Variants in PCDHA9 observed in about 807,000 individuals in gnomAD.
The protein encoded by PCDHA9 is protocadherin alpha-9.
In PCDHA9, 62 loss-of-function variants were observed where a neutral mutation model predicts 62.0. The ratio of observed to expected loss-of-function variants is 1.00; its 90% CI spans 0.81 to 1.23. PCDHA9 has a LOEUF of 1.23. PCDHA9 is among the 50% of genes most tolerant of loss of function. The pLI, the probability that PCDHA9 is intolerant of heterozygous loss-of-function variation, is 0.00. For synonymous variants in PCDHA9, 557 were observed against 567.6 expected, an observed-to-expected ratio of 0.98 and a Z score of 0.27; for missense variants, 1,205 against 1,249.8, an observed-to-expected ratio of 0.96 and a Z score of 0.54.
At chr5:140,968,162 C>A in intron 1 of PCDHA9, 1 of 1,614,122 alleles carries the variant, frequency 6.2e-7, no homozygotes, top group East Asian at 2.2e-5. Flanking sequence ...CAATGACAAT[C>A]CACCAAGCTT....
intron 1 of PCDHA9, among the ~76,000 whole-genome samples, chr5:140,874,132 A>C (rs181983769): frequency 1.3e-5 from 2 of 152,240 alleles, no homozygotes; most frequent in East Asian, 3.8e-4. Flanking sequence ...TATTTAAGTT[A>C]TCTTATACTT....
chr5:140,923,313 C>T (rs1428494241), intron 1 of PCDHA9, among the ~76,000 whole-genome samples: 1 of 152,074 alleles, frequency 6.6e-6, no homozygotes, highest in African/African-American at 2.4e-5. Flanking sequence ...GGGCGCTTGG[C>T]CTAGAAGTTC....
chr5:140,853,422 G>A, intron 1 of PCDHA9: 8 of 986,108 alleles, frequency 8.1e-6, no homozygotes, highest in Non-Finnish European at 9.8e-6. Flanking sequence ...GAAAGCAGAA[G>A]AGACACTTTC....
chr5:140,873,557 T>C (rs1347474996), intron 1 of PCDHA9, among the ~76,000 whole-genome samples: 1 of 150,760 alleles, frequency 6.6e-6, no homozygotes, highest in Non-Finnish European at 1.5e-5. Context: ...TTTCAATTTA[T>C]TTTCTAGTTT....
intron 1 of PCDHA9, among the ~76,000 whole-genome samples, chr5:140,926,209 T>C (rs553307318): frequency 1.8e-3 from 269 of 152,150 alleles, no homozygotes; most frequent in African/African-American, 6.3e-3. Flanking sequence ...GGGGGGCTCC[T>C]GTTTCCTTAA....
intron 1 of PCDHA9, chr5:140,864,391 A>G (rs1554158881): frequency 6.6e-6 from 1 of 152,234 alleles, no homozygotes; most frequent in African/African-American, 2.4e-5. Context: ...TCTCTCACAA[A>G]TGGTGATGAG....
intron 1 of PCDHA9, chr5:140,858,360 G>T: frequency 6.3e-7 from 1 of 1,592,532 alleles, no homozygotes; most frequent in Non-Finnish European, 8.6e-7. Context: ...ATGGCCTTCA[G>T]CCCCAGCCTT....
chr5:140,889,700 T>C (rs1554184005), intron 1 of PCDHA9, among the ~76,000 whole-genome samples: 1 of 152,200 alleles, frequency 6.6e-6, no homozygotes, highest in African/African-American at 2.4e-5. Context: ...TATGGGCATA[T>C]TCCACAAGTT....
In PCDHA9 at chr5:140,857,157, T is replaced by C. The variant is rs1371246447; in HGVS notation, c.2394+6268T>C. The C allele has an allele frequency of 5.6e-6, 9 of 1,598,272 alleles. 1 individual carries two copies. The Middle Eastern group carries it at 5.0e-4, about 88-fold the overall frequency. On this transcript the variant is annotated intron_variant, in intron 1 of 3. Transcript: ENST00000532602. ...GCTCAAGTGGGCACCGTCATTGCCC[T>C]AATCAGCGTTTCTGACCATGATTCA... is the stretch of plus-strand genomic sequence containing the variant.
rs2043502208 is a variant in PCDHA9 at position 140,855,508 on chromosome 5, C to T, written c.2394+4619C>T. ...AGTGTCTAAATAAACCTTATTAAATCTCAAAATAATGAGAAAGAGAAGTAA... is the reference window on the plus strand; with the variant it reads ...AGTGTCTAAATAAACCTTATTAAATTTCAAAATAATGAGAAAGAGAAGTAA... On this transcript the variant is annotated intron_variant, in intron 1 of 3. Transcript: ENST00000532602. 1.3e-5 allele frequency among the ~76,000 whole-genome samples: 2 copies of T among 149,732 alleles called. 1 individual carries two copies. The highest frequency in any genetic ancestry group is 3.0e-5 in the Non-Finnish European group (2 of 67,030).
intron 1 of PCDHA9, among the ~76,000 whole-genome samples, chr5:140,900,125 G>A (rs2067765908): frequency 6.6e-6 from 1 of 152,056 alleles, no homozygotes; most frequent in South Asian, 2.1e-4. Context: ...TTGATTTTTA[G>A]GTACCACAAA....
intron 1 of PCDHA9, among the ~76,000 whole-genome samples, chr5:140,930,805 A>T (rs2087129378): frequency 6.6e-6 from 1 of 152,218 alleles, no homozygotes; most frequent in Non-Finnish European, 1.5e-5. Flanking sequence ...CCAGCATATA[A>T]GATATGCTTA....
At chr5:140,858,299 C>A in intron 1 of PCDHA9, 1 of 1,597,210 alleles carries the variant, frequency 6.3e-7, no homozygotes, top group Non-Finnish European at 8.6e-7. Flanking sequence ...TTACTCGCAG[C>A]AGAGGCGGCA....
chr5:140,927,349 G>A (rs782650880), intron 1 of PCDHA9: 3 of 1,614,016 alleles, frequency 1.9e-6, no homozygotes, highest in Admixed American at 1.7e-5. Context: ...AGATGACGAC[G>A]AGGGAAGCAA....
chr5:140,852,081 T>C (rs2042233455), intron 1 of PCDHA9: 1 of 899,702 alleles, frequency 1.1e-6, no homozygotes, highest in Non-Finnish European at 1.4e-6. Context: ...AGCTATTTTA[T>C]TTAATATTGT....
intron 1 of PCDHA9, chr5:140,968,411 G>C (rs895173088): frequency 1.9e-6 from 3 of 1,614,012 alleles, no homozygotes; most frequent in South Asian, 1.1e-5. Context: ...CTTTGTGACT[G>C]TGGAGGCTCA....
chr5:140,854,720 C>G (rs2043201249), intron 1 of PCDHA9: 1 of 149,654 alleles, frequency 6.7e-6, no homozygotes, highest in African/African-American at 2.4e-5. Flanking sequence ...AGACAGAAAA[C>G]TCAAGTTTTT....
In PCDHA9 at chr5:140,869,658, T is replaced by C. The variant is rs370211026; in HGVS notation, c.2394+18769T>C. 1.2e-5 allele frequency: 19 copies of C among 1,613,432 alleles called. No homozygotes were observed. The African/African-American group carries it at 2.1e-4, about 18-fold the overall frequency. ...ATTTTTCTTTAGATTCACCAACAAATGGTAAGCAGATTAAAAGACTGTCAC... is the reference window on the plus strand; with the variant it reads ...ATTTTTCTTTAGATTCACCAACAAACGGTAAGCAGATTAAAAGACTGTCAC... On this transcript the variant is annotated intron_variant, in intron 1 of 3. Coordinates refer to ENST00000532602, the MANE Select transcript of PCDHA9 (RefSeq NM_031857.2).
intron 1 of PCDHA9, among the ~76,000 whole-genome samples, chr5:140,941,214 CCTTTCTTTCTTTCTTT>C (rs60032403): frequency 8.2e-6 from 1 of 122,414 alleles, no homozygotes; most frequent in East Asian, 2.3e-4. Context: ...TTTCTTTCTT[CCTTTCTTTCTTTCTTT>C]CTTTCTTTCT....
Sources: allele counts gnomAD v4.1 joint callset (sites outside exome capture counted in the v4.1 genomes callset), GRCh38; gene constraint gnomAD v4.1.1; transcripts MANE v1.5; gene names NCBI Gene and HGNC (gene_info 2026-07-23, HGNC 2026-07-21).